Variants in MGAT5 observed in about 807,000 individuals in gnomAD.
The protein encoded by MGAT5 is alpha-1,6-mannosylglycoprotein 6-beta-N-acetylglucosaminyltransferase A.
Under a neutral mutation model 94.3 loss-of-function variants are expected in MGAT5, and 30 were observed. The observed-to-expected ratio is 0.32, with a 90% CI of 0.24 to 0.43. MGAT5 has a LOEUF of 0.43. MGAT5 is among the 20% of genes least tolerant of loss of function. The pLI is 1.00. For missense variants in MGAT5, 691 were observed against 905.5 expected (o/e 0.76, Z 3.04); for synonymous variants, 310 against 322.9 (o/e 0.96, Z 0.43).
chr2:134,305,318 G>C (rs1452237395), intron 2 of MGAT5, among the ~76,000 whole-genome samples: 1 of 152,180 alleles, frequency 6.6e-6, no homozygotes, highest in Non-Finnish European at 1.5e-5. Context: ...CTTGCCTCTA[G>C]ATGTCTGGCT....
At chr2:134,203,546 C>T (rs1451673679) in intron 1 of MGAT5, among the ~76,000 whole-genome samples, 1 of 151,886 alleles carries the variant, frequency 6.6e-6, no homozygotes, top group Non-Finnish European at 1.5e-5. Context: ...CCTAGCACTC[C>T]CTAGGGTTTT....
At chr2:134,200,164 C>T (rs1243317752) in intron 1 of MGAT5, among the ~76,000 whole-genome samples, 1 of 149,108 alleles carries the variant, frequency 6.7e-6, no homozygotes, top group African/African-American at 2.5e-5. Flanking sequence ...CCCATTCCCC[C>T]CCTGCCCCGC....
intron 9 of MGAT5, among the ~76,000 whole-genome samples, chr2:134,353,226 G>A (rs1350417481): frequency 2.2e-5 from 3 of 137,148 alleles, no homozygotes; most frequent in Non-Finnish European, 3.3e-5. Flanking sequence ...AAAAAGAAAA[G>A]CATTCACTAA....
At chr2:134,166,022 G>C (rs1381858554) in intron 1 of MGAT5, among the ~76,000 whole-genome samples, 1 of 152,164 alleles carries the variant, frequency 6.6e-6, no homozygotes, top group African/African-American at 2.4e-5. Flanking sequence ...CACATAGCAG[G>C]TTCTCACTAT....
chr2:134,122,250 G>T (rs1053328549), intron 1 of MGAT5, among the ~76,000 whole-genome samples: 2 of 152,002 alleles, frequency 1.3e-5, no homozygotes, highest in African/African-American at 2.4e-5. Flanking sequence ...GATTACAGGC[G>T]CCCGTCACCA....
intron 12 of MGAT5, among the ~76,000 whole-genome samples, chr2:134,414,732 A>G (rs959925844): frequency 6.6e-6 from 1 of 152,184 alleles, no homozygotes; most frequent in Non-Finnish European, 1.5e-5. Context: ...AACTTGTATA[A>G]CTGAGACTTT....
At chr2:134,230,715 A>G (rs2105392767) in intron 1 of MGAT5, among the ~76,000 whole-genome samples, 1 of 152,290 alleles carries the variant, frequency 6.6e-6, no homozygotes, top group East Asian at 1.9e-4. Flanking sequence ...GGAATGTAAA[A>G]TGGTGTAGCT....
At chr2:134,422,745 C>A in intron 12 of MGAT5, 58 bp from the exon 13 acceptor site, 1 of 1,319,212 alleles carries the variant, frequency 7.6e-7, no homozygotes, top group Non-Finnish European at 1.1e-6. Flanking sequence ...AGCACTCCAT[C>A]TAGCACAGGT....
chr2:134,441,098 TGA>T (rs1278885607), intron 14 of MGAT5, among the ~76,000 whole-genome samples: 1 of 152,238 alleles, frequency 6.6e-6, no homozygotes, highest in Non-Finnish European at 1.5e-5. Flanking sequence ...TTGCAGTTTC[TGA>T]GAGACTATTG....
At chr2:134,205,704 A>G (rs1398867824) in intron 1 of MGAT5, among the ~76,000 whole-genome samples, 1 of 152,178 alleles carries the variant, frequency 6.6e-6, no homozygotes, top group Admixed American at 6.5e-5. Flanking sequence ...GCCTCCACTT[A>G]CAGTTGGCAT....
chr2:134,263,663 T>C (rs1412483201), intron 1 of MGAT5, among the ~76,000 whole-genome samples: 1 of 152,206 alleles, frequency 6.6e-6, no homozygotes, highest in Non-Finnish European at 1.5e-5. Context: ...CACTAAGATG[T>C]TTCTGGTGGG....
upstream of MGAT5, among the ~76,000 whole-genome samples, chr2:134,253,735 G>A (rs559965812): frequency 6.6e-6 from 1 of 152,258 alleles, no homozygotes; most frequent in Admixed American, 6.5e-5. Flanking sequence ...AAACACTGAT[G>A]GTGAAAGCTG....
intron 11 of MGAT5, among the ~76,000 whole-genome samples, chr2:134,410,625 T>C (rs1480325886): frequency 6.6e-6 from 1 of 152,216 alleles, no homozygotes; most frequent in Non-Finnish European, 1.5e-5. Context: ...TTCAAGTCCA[T>C]TAAGCAACAG....
intron 10 of MGAT5, among the ~76,000 whole-genome samples, chr2:134,369,664 G>T (rs903067043): frequency 6.6e-6 from 1 of 151,888 alleles, no homozygotes; most frequent in Non-Finnish European, 1.5e-5. Flanking sequence ...TTAGGGAGGG[G>T]AGAGGAGGAG....
chr2:134,392,371 T>C (rs2106255020), intron 10 of MGAT5, among the ~76,000 whole-genome samples: 1 of 152,302 alleles, frequency 6.6e-6, no homozygotes. Flanking sequence ...AGGAGAGAGA[T>C]GGAGAGGATA....
At chr2:134,148,759 GT>G (rs748584511) in intron 1 of MGAT5, among the ~76,000 whole-genome samples, 761 of 118,700 alleles carry the variant, frequency 6.4e-3, no homozygotes, top group Middle Eastern at 0.02. Context: ...TCTTTCTTAG[GT>G]TTTTTTTTTT....
chr2:134,129,435 G>C (rs1338441415), intron 1 of MGAT5, among the ~76,000 whole-genome samples: 1 of 152,110 alleles, frequency 6.6e-6, no homozygotes, highest in Non-Finnish European at 1.5e-5. Context: ...CAGGTTCCGG[G>C]GATTAGTATA....
intron 1 of MGAT5, among the ~76,000 whole-genome samples, chr2:134,145,296 C>T (rs1686868783): frequency 6.6e-6 from 1 of 151,898 alleles, no homozygotes; most frequent in Non-Finnish European, 1.5e-5. Flanking sequence ...CCTGTAATCC[C>T]AGCACTTTGG....
intron 12 of MGAT5, among the ~76,000 whole-genome samples, chr2:134,421,485 T>C (rs2106357106): frequency 6.6e-6 from 1 of 152,056 alleles, no homozygotes; most frequent in South Asian, 2.1e-4. Flanking sequence ...CTCAGGAGGC[T>C]GAAGCAGGAG....
Sources: gnomAD v4.1 joint callset for allele counts (sites outside exome capture counted in the v4.1 genomes callset) on GRCh38, gnomAD v4.1.1 for gene constraint, MANE v1.5 for transcripts, NCBI Gene and HGNC (gene_info 2026-07-23, HGNC 2026-07-21) for gene names.